Variants in BCR observed in about 807,000 individuals in gnomAD.
BCR encodes the protein breakpoint cluster region protein.
BCR carries 58 observed loss-of-function variants against 138.6 expected under a neutral mutation model. The observed-to-expected ratio is 0.42, with a 90% confidence interval of 0.34 to 0.52. The LOEUF (loss-of-function observed/expected upper bound fraction) is 0.52, where lower values mean the gene tolerates loss of function less well. Ranked by LOEUF, BCR falls within the 20% of genes least tolerant of loss-of-function variation. The pLI, the probability that BCR is intolerant of heterozygous loss-of-function variation, is 0.06. For missense variants in BCR, 1,599 were observed against 1,727.2 expected (o/e 0.93, Z 1.32); for synonymous variants, 786 against 730.1 (o/e 1.08, Z -1.23).
Position 23,315,855 on chromosome 22 carries a change from C to T in BCR, c.*333C>T, listed in dbSNP as rs1749600652. The T allele has an allele frequency of 6.8e-6, 3 of 441,530 alleles. No individual in the cohort carries two copies. The highest frequency in any genetic ancestry group is 1.3e-5 in the Non-Finnish European group (3 of 232,952). 27.4% of individuals were successfully genotyped at this position (441,530 alleles called of 1,614,324 possible). A position where few individuals can be genotyped will look rare whatever the true frequency, so the allele number is the denominator to read the frequency against. On this transcript the variant is annotated 3_prime_UTR_variant, in exon 23 of 23. Transcript: ENST00000305877. ...ACTTAACTTAGAGTCTAAAAGATTT[C>T]TACTGGATCACTTGTCAAGATGCGC...
chr22:23,222,790 C>T (rs1485840642), intron 1 of BCR, among the ~76,000 whole-genome samples: 1 of 152,156 alleles, frequency 6.6e-6, no homozygotes, highest in Non-Finnish European at 1.5e-5. Flanking sequence ...GAATTCCTGT[C>T]CTGGTCTCTG....
chr22:23,273,619 TTC>T lies in BCR; in HGVS notation c.1975-13_1975-12del, dbSNP rs752587587. 12 of 1,613,302 alleles carry T rather than the reference TTC, an allele frequency of 7.4e-6. No individual in the cohort carries two copies. The highest frequency in any genetic ancestry group is 2.5e-6 in the Non-Finnish European group (3 of 1,179,980). ...GCTCCTCTGTGTCTAACTCAAGTCT[TTC>T]TTCCTGGGGCAGGACTTGCTGAAGC... On this transcript the variant is annotated splice_polypyrimidine_tract_variant and intron_variant, in intron 7 of 22. Transcript: ENST00000305877.
intron 1 of BCR, among the ~76,000 whole-genome samples, chr22:23,197,731 A>G (rs994038381): frequency 1.3e-5 from 2 of 151,718 alleles, no homozygotes; most frequent in African/African-American, 4.8e-5. Flanking sequence ...ATGCCTTTGG[A>G]GCTTTGCCTT....
At chr22:23,252,175 G>A (rs2073235087) in intron 1 of BCR, among the ~76,000 whole-genome samples, 1 of 152,158 alleles carries the variant, frequency 6.6e-6, no homozygotes, top group South Asian at 2.1e-4. Flanking sequence ...CTGGAAGGTG[G>A]TCTATGACTC....
intron 2 of BCR, among the ~76,000 whole-genome samples, chr22:23,259,966 C>T (rs888371872): frequency 6.6e-6 from 1 of 152,024 alleles, no homozygotes; most frequent in Non-Finnish European, 1.5e-5. Flanking sequence ...CCAGCCTGAG[C>T]GACAGAGTGA....
At chr22:23,202,529 C>A (rs1382413833) in intron 1 of BCR, among the ~76,000 whole-genome samples, 1 of 152,152 alleles carries the variant, frequency 6.6e-6, no homozygotes, top group Non-Finnish European at 1.5e-5. Flanking sequence ...TCTTCCCCCA[C>A]GCCCAGTCCC....
intron 1 of BCR, among the ~76,000 whole-genome samples, chr22:23,214,522 G>T (rs2072726501): frequency 6.6e-6 from 1 of 152,230 alleles, no homozygotes; most frequent in East Asian, 1.9e-4. Flanking sequence ...ATGGCCAGGA[G>T]GACCTGCATT....
At chr22:23,258,526 T>C (rs2073321474) in intron 2 of BCR, among the ~76,000 whole-genome samples, 1 of 152,184 alleles carries the variant, frequency 6.6e-6, no homozygotes, top group Non-Finnish European at 1.5e-5. Context: ...GCTGGGACCC[T>C]GATTCCAAAT....
Position 23,222,449 on chromosome 22 carries a change from C to T in BCR, c.1280-31350C>T, listed in dbSNP as rs151182676. On this transcript the variant is annotated intron_variant, in intron 1 of 22. Transcript: ENST00000305877. ...GTATGTTGGTGGGAAAAGGTTGATACGATTGTCAGATAAATTGCACAAGTG... is the reference window on the plus strand; with the variant it reads ...GTATGTTGGTGGGAAAAGGTTGATATGATTGTCAGATAAATTGCACAAGTG... Among the ~76,000 whole-genome samples the T allele has an allele frequency of 9.9e-5, 15 of 152,250 alleles. No homozygotes were observed. In the East Asian group the frequency reaches 2.1e-3, roughly 22 times the overall value.
chr22:23,244,471 A>G (rs2146258567), intron 1 of BCR, among the ~76,000 whole-genome samples: 1 of 152,146 alleles, frequency 6.6e-6, no homozygotes, highest in Non-Finnish European at 1.5e-5. Context: ...CTCCGTGGTC[A>G]TTTCCTCAGG....
chr22:23,283,742 A>G, intron 8 of BCR: 1 of 495,300 alleles, frequency 2.0e-6, no homozygotes, highest in Non-Finnish European at 3.5e-6. Flanking sequence ...CACAGGAGGG[A>G]TTGGGAAATT....
chr22:23,273,788 G>A lies in BCR; in HGVS notation c.2115+14G>A, dbSNP rs779263197. ...AAGAAGGGAGAGGTGAGTGTGGCAGGGGATGGCTTGGGTCCACCCATCCTG... is the reference window on the plus strand; with the variant it reads ...AAGAAGGGAGAGGTGAGTGTGGCAGAGGATGGCTTGGGTCCACCCATCCTG... On this transcript the variant is annotated intron_variant, in intron 8 of 22. Coordinates refer to ENST00000305877, the MANE Select transcript of BCR (RefSeq NM_004327.4). 5.6e-6 allele frequency: 9 copies of A among 1,613,540 alleles called. No individual in the cohort carries two copies. The Middle Eastern group carries it at 9.9e-4, about 178-fold the overall frequency.
At chr22:23,271,974 C>T (rs1402371144) in intron 6 of BCR, among the ~76,000 whole-genome samples, 1 of 152,004 alleles carries the variant, frequency 6.6e-6, no homozygotes, top group African/African-American at 2.4e-5. Flanking sequence ...TACAGGCACA[C>T]ACCACCACAG....
intron 1 of BCR, among the ~76,000 whole-genome samples, chr22:23,219,184 C>G (rs76359195): frequency 9.2e-5 from 14 of 152,164 alleles, no homozygotes; most frequent in Non-Finnish European, 1.6e-4. Flanking sequence ...GCCCTTAAGC[C>G]GACAGATGGC....
At chr22:23,277,952 G>T (rs2073598401) in intron 8 of BCR, among the ~76,000 whole-genome samples, 2 of 152,236 alleles carry the variant, frequency 1.3e-5, no homozygotes, top group Admixed American at 1.3e-4. Context: ...TGCTGCCCAA[G>T]AGAATGCCCT....
chr22:23,215,030 C>G (rs985446730), intron 1 of BCR, among the ~76,000 whole-genome samples: 2 of 152,176 alleles, frequency 1.3e-5, no homozygotes, highest in Non-Finnish European at 2.9e-5. Context: ...CCATCCTACT[C>G]TATGTCTATG....
At chr22:23,182,604 A>G (rs574226384) in intron 1 of BCR, among the ~76,000 whole-genome samples, 5 of 152,226 alleles carry the variant, frequency 3.3e-5, no homozygotes, top group Non-Finnish European at 7.4e-5. Context: ...TGAGGATGGC[A>G]TAAAAGCCGG....
chr22:23,286,762 C>T (rs751467704), intron 10 of BCR, among the ~76,000 whole-genome samples: 2 of 152,080 alleles, frequency 1.3e-5, no homozygotes, highest in East Asian at 3.9e-4. Flanking sequence ...CCCAGGGGCC[C>T]GATGCTGAAA....
intron 1 of BCR, among the ~76,000 whole-genome samples, chr22:23,197,135 A>G (rs1209313268): frequency 6.6e-6 from 1 of 152,204 alleles, no homozygotes; most frequent in South Asian, 2.1e-4. Flanking sequence ...CTGTGTTTTT[A>G]CTGTACCTTT....
Sources: gnomAD v4.1 joint callset for allele counts (sites outside exome capture counted in the v4.1 genomes callset) on GRCh38, gnomAD v4.1.1 for gene constraint, MANE v1.5 for transcripts, NCBI Gene and HGNC (gene_info 2026-07-23, HGNC 2026-07-21) for gene names.